Variants in CABIN1 observed in about 807,000 individuals in gnomAD.
CABIN1 encodes calcineurin-binding protein cabin-1.
CABIN1 carries 133 observed loss-of-function variants against 227.7 expected under a neutral mutation model. That is an observed-to-expected ratio of 0.58 (90% confidence interval 0.51 to 0.67). The LOEUF (loss-of-function observed/expected upper bound fraction) is 0.67, where lower values mean the gene tolerates loss of function less well. Ranked by LOEUF, CABIN1 falls within the 30% of genes least tolerant of loss-of-function variation. CABIN1 has a pLI of 0.00. For missense variants in CABIN1, 2,408 were observed against 2,852.5 expected (o/e 0.84, Z 3.55); for synonymous variants, 1,086 against 1,155.1 (o/e 0.94, Z 1.21).
At chr22:24,170,310 G>A (rs1376818435) in intron 33 of CABIN1, among the ~76,000 whole-genome samples, 7 of 152,166 alleles carry the variant, frequency 4.6e-5, no homozygotes, top group Admixed American at 1.3e-4. Flanking sequence ...CATAGCTCCC[G>A]CCCCTCAGGG....
chr22:24,172,627 C>T (rs546759726), intron 34 of CABIN1, among the ~76,000 whole-genome samples: 8 of 152,320 alleles, frequency 5.3e-5, no homozygotes, highest in South Asian at 4.1e-4. Flanking sequence ...CTGGCCTCAT[C>T]GGTGAAAGCT....
chr22:24,020,397 C>T (rs1456448390), intron 1 of CABIN1, among the ~76,000 whole-genome samples: 1 of 152,160 alleles, frequency 6.6e-6, no homozygotes, highest in East Asian at 1.9e-4. Context: ...TTACTGCTTA[C>T]TGCTGCCTCA....
intron 19 of CABIN1, among the ~76,000 whole-genome samples, chr22:24,076,617 T>G (rs2040461967): frequency 6.6e-6 from 1 of 152,182 alleles, no homozygotes; most frequent in South Asian, 2.1e-4. Flanking sequence ...AGTTGTAATT[T>G]CAGGAGTAAT....
chr22:24,162,678 G>T (rs2046225433), intron 29 of CABIN1, among the ~76,000 whole-genome samples: 2 of 152,208 alleles, frequency 1.3e-5, no homozygotes, highest in Non-Finnish European at 2.9e-5. Flanking sequence ...AGTCACAATA[G>T]CATGGGGGTG....
At chr22:24,137,854 TG>T (rs1417464707) in intron 29 of CABIN1, among the ~76,000 whole-genome samples, 1 of 152,224 alleles carries the variant, frequency 6.6e-6, no homozygotes, top group Non-Finnish European at 1.5e-5. Context: ...TCTGCTGGGA[TG>T]GGGCCATGTC....
intron 14 of CABIN1, 56 bp from the exon 15 acceptor site, chr22:24,063,979 G>T: frequency 6.2e-7 from 1 of 1,608,668 alleles, no homozygotes; most frequent in Non-Finnish European, 8.5e-7. Flanking sequence ...AAAGCATCTG[G>T]CACATCATAG....
Position 24,038,427 on chromosome 22 carries a change from A to ACT in CABIN1, c.177_178insTC (p.His60SerfsTer23). ...CGGTTTGAGGAGTCTGCCAAAGCCTACCATGAGCTCTTGGAGGCGAGCCTG... is the reference window on the plus strand; with the variant it reads ...CGGTTTGAGGAGTCTGCCAAAGCCTACTCCATGAGCTCTTGGAGGCGAGCCTG... On this transcript the variant is annotated frameshift_variant, in exon 4 of 37. Coordinates refer to ENST00000263119, the MANE Select transcript of CABIN1 (RefSeq NM_012295.4). LOFTEE classifies it high-confidence loss of function. The ACT allele has an allele frequency of 6.2e-7, 1 of 1,614,038 alleles. No individual in the cohort carries two copies. The highest frequency in any genetic ancestry group is 1.7e-5 in the Admixed American group (1 of 60,028).
rs188847217 is a variant in CABIN1, at chr22:24,025,703, C to G, written c.-74-9741C>G. ...TGTTTTGCTTTGTTTGAGACAGGCT[C>G]TCACTCTGTCACCCGGGCTGAAGTG... On this transcript the variant is annotated intron_variant, in intron 1 of 36. Coordinates refer to ENST00000263119, the MANE Select transcript of CABIN1 (RefSeq NM_012295.4). 7.9e-5 allele frequency among the ~76,000 whole-genome samples: 12 copies of G among 152,330 alleles called. 1 individual carries two copies. The East Asian group carries it at 2.3e-3, about 29-fold the overall frequency.
At chr22:24,094,501 A>G (rs1207867073) in intron 24 of CABIN1, among the ~76,000 whole-genome samples, 1 of 152,232 alleles carries the variant, frequency 6.6e-6, no homozygotes, top group South Asian at 2.1e-4. Context: ...GTCAGCTGGT[A>G]AATATGTATA....
chr22:24,063,953 G>T, intron 14 of CABIN1, 82 bp from the exon 15 acceptor site: 1 of 1,561,232 alleles, frequency 6.4e-7, no homozygotes. Context: ...CCACAGTCTA[G>T]TGAGATAAGT....
chr22:24,136,116 C>T (rs943681384), intron 29 of CABIN1, among the ~76,000 whole-genome samples: 1 of 152,172 alleles, frequency 6.6e-6, no homozygotes, highest in African/African-American at 2.4e-5. Flanking sequence ...GAAACTGTTT[C>T]TTGTCTCATG....
chr22:24,177,125 G>T lies in CABIN1; in HGVS notation c.6206-379G>T, dbSNP rs373691700. Among the ~76,000 whole-genome samples the T allele has an allele frequency of 6.6e-6, 1 of 152,236 alleles. No homozygotes were observed. Among genetic ancestry groups the T allele is most frequent in the Non-Finnish European group, 1.5e-5 (1 of 68,046 alleles). ...GCTGAGCGACCAGCTCTGGGCTTCAGTGTCCTCCCTGGGGCATAGACACCA... is the reference window on the plus strand; with the variant it reads ...GCTGAGCGACCAGCTCTGGGCTTCATTGTCCTCCCTGGGGCATAGACACCA... On this transcript the variant is annotated intron_variant, in intron 35 of 36. Transcript: ENST00000263119. This position sits in a 1 kb window ranked among gnomAD's most constrained non-coding sequence, Gnocchi z 4.4.
chr22:24,032,770 AAGTTGC>A (rs1379880669), intron 1 of CABIN1, among the ~76,000 whole-genome samples: 1 of 152,124 alleles, frequency 6.6e-6, no homozygotes, highest in Admixed American at 6.5e-5. Context: ...GCTTATGATA[AAGTTGC>A]AGTTTCTGGC....
At chr22:24,168,301 T>C in intron 32 of CABIN1, 146 bp from the exon 33 acceptor site, 1 of 740,892 alleles carries the variant, frequency 1.3e-6, no homozygotes, top group Admixed American at 2.0e-5. Flanking sequence ...GGCTGGCTAT[T>C]CAGCAGAGTC....
At chr22:24,170,796 G>A (rs1004060589) in intron 33 of CABIN1, among the ~76,000 whole-genome samples, 3 of 145,478 alleles carry the variant, frequency 2.1e-5, no homozygotes, top group Non-Finnish European at 3.0e-5. Flanking sequence ...ACCTGCAGGC[G>A]TGTGACTCTC....
intron 24 of CABIN1, among the ~76,000 whole-genome samples, chr22:24,093,282 G>C (rs926901803): frequency 3.3e-5 from 5 of 152,352 alleles, no homozygotes; most frequent in Non-Finnish European, 7.3e-5. Flanking sequence ...TAGGTATGGT[G>C]GCTCACGCCT....
chr22:24,121,856 C>T (rs1188063807), intron 28 of CABIN1, among the ~76,000 whole-genome samples: 2 of 152,244 alleles, frequency 1.3e-5, no homozygotes, highest in South Asian at 2.1e-4. Context: ...CTGTGGTCAG[C>T]TCTGACCAGG....
intron 7 of CABIN1, among the ~76,000 whole-genome samples, chr22:24,050,023 C>G (rs951376649): frequency 4.6e-5 from 7 of 152,200 alleles, no homozygotes; most frequent in African/African-American, 1.4e-4. Flanking sequence ...CTGTTGCTTT[C>G]TGAGCTCTAG....
chr22:24,139,712 T>C (rs1569272029), intron 29 of CABIN1, among the ~76,000 whole-genome samples: 1 of 152,254 alleles, frequency 6.6e-6, no homozygotes, highest in Non-Finnish European at 1.5e-5. Flanking sequence ...GACACATGTA[T>C]GGGCCCAGTG....
Sources: allele counts gnomAD v4.1 joint callset (sites outside exome capture counted in the v4.1 genomes callset), GRCh38; gene constraint gnomAD v4.1.1; non-coding constraint Gnocchi (gnomAD v3.1); transcripts MANE v1.5; gene names NCBI Gene and HGNC (gene_info 2026-07-23, HGNC 2026-07-21).